PALLD: variants seen among roughly 807,000 people sequenced by gnomAD.
PALLD encodes the protein palladin, cytoskeletal associated protein, also known as palladin.
In PALLD, 61 loss-of-function variants were observed where a neutral mutation model predicts 123.5. The ratio of observed to expected loss-of-function variants is 0.49; its 90% CI spans 0.40 to 0.61. The LOEUF (loss-of-function observed/expected upper bound fraction) is 0.61, where lower values mean the gene tolerates loss of function less well. PALLD is among the 20% of genes least tolerant of loss of function. The pLI is 0.00. For synonymous variants in PALLD, 465 were observed against 496.4 expected (o/e 0.94, Z 0.84); for missense variants, 1,273 against 1,377.0 (o/e 0.92, Z 1.20).
chr4:168,550,925 A>G (rs559694682), intron 2 of PALLD, among the ~76,000 whole-genome samples: 1 of 152,226 alleles, frequency 6.6e-6, no homozygotes, highest in Non-Finnish European at 1.5e-5. Context: ...GCTAATTTGC[A>G]TAATTTGAAT....
chr4:168,797,578 G>C (rs1288350230), intron 10 of PALLD, among the ~76,000 whole-genome samples: 1 of 152,088 alleles, frequency 6.6e-6, no homozygotes, highest in Non-Finnish European at 1.5e-5. Context: ...GTGAGAACTG[G>C]GCTTATGTTT....
chr4:168,817,513 C>A (rs1028456987), intron 10 of PALLD, among the ~76,000 whole-genome samples: 1 of 152,138 alleles, frequency 6.6e-6, no homozygotes, highest in Non-Finnish European at 1.5e-5. Context: ...TCAAAAGAGG[C>A]AAATTACGCA....
chr4:168,789,053 A>C (rs756683546), intron 10 of PALLD, among the ~76,000 whole-genome samples: 7 of 152,186 alleles, frequency 4.6e-5, no homozygotes, highest in Non-Finnish European at 7.3e-5. Flanking sequence ...CTATGTGTAC[A>C]TTTCTAAAGC....
chr4:168,862,995 A>G (rs1749719918), intron 10 of PALLD, among the ~76,000 whole-genome samples: 1 of 152,190 alleles, frequency 6.6e-6, no homozygotes, highest in Non-Finnish European at 1.5e-5. Context: ...GGCCACCCAC[A>G]CCTTCTCTGC....
chr4:168,693,568 T>A (rs1782851400), intron 8 of PALLD, among the ~76,000 whole-genome samples: 1 of 152,224 alleles, frequency 6.6e-6, no homozygotes, highest in South Asian at 2.1e-4. Flanking sequence ...ATTTACATAG[T>A]TAGATCTGAA....
At chr4:168,545,654 C>G (rs528246655) in intron 2 of PALLD, among the ~76,000 whole-genome samples, 16 of 152,304 alleles carry the variant, frequency 1.1e-4, no homozygotes, top group African/African-American at 3.8e-4. Flanking sequence ...GTCTATCCTC[C>G]TTTTCCCACA....
intron 10 of PALLD, among the ~76,000 whole-genome samples, chr4:168,733,882 C>G (rs1234178486): frequency 6.6e-6 from 1 of 152,132 alleles, no homozygotes. Flanking sequence ...CTACAGGCGC[C>G]CGCCACCGCA....
intron 2 of PALLD, among the ~76,000 whole-genome samples, chr4:168,531,150 A>C (rs1258481786): frequency 6.6e-6 from 1 of 152,186 alleles, no homozygotes; most frequent in African/African-American, 2.4e-5. Flanking sequence ...TTGATTATGT[A>C]TGTGTGAATA....
chr4:168,625,502 G>GATAGATAGATAGATATATAT, intron 2 of PALLD, among the ~76,000 whole-genome samples: 22 of 114,464 alleles, frequency 1.9e-4, no homozygotes, highest in Non-Finnish European at 3.6e-4. Context: ...ATATCCAGGA[G>GATAGATAGATAGATATATAT]ATATATATAT....
In PALLD at chr4:168,668,193, G is replaced by T; in HGVS notation, c.912G>T (p.Trp304Cys). Residue 304 changes from tryptophan to cysteine, a missense_variant, in exon 3 of 22, where the codon TGG (tryptophan) becomes TGT (cysteine). Around this residue, in one of 2 missense-constraint regions of PALLD, gnomAD observed 944 missense variants for 954.5 expected, o/e 0.99. Transcript: ENST00000505667. ...VTGNPTPRVR[W>C]FCEGKELHNT... ...TTGACCTCCATTTGGCCTGCAGATG[G>T]TTCTGTGAAGGGAAAGAACTGCACA... The T allele has an allele frequency of 6.2e-7, 1 of 1,613,720 alleles. No individual in the cohort carries two copies. Among genetic ancestry groups the T allele is most frequent in the South Asian group, 1.1e-5 (1 of 91,076 alleles).
chr4:168,822,682 A>ATG (rs1382897202), intron 10 of PALLD, among the ~76,000 whole-genome samples: 1 of 152,194 alleles, frequency 6.6e-6, no homozygotes, highest in East Asian at 1.9e-4. Context: ...ATTTTCCCAG[A>ATG]TGTGCAGATT....
At chr4:168,817,620 G>GC (rs1305164743) in intron 10 of PALLD, among the ~76,000 whole-genome samples, 3 of 152,158 alleles carry the variant, frequency 2.0e-5, no homozygotes, top group African/African-American at 7.2e-5. Context: ...GATAAATGCT[G>GC]CTCTTATTTT....
intron 10 of PALLD, chr4:168,831,950 G>A: frequency 6.3e-6 from 6 of 955,620 alleles, no homozygotes; most frequent in Non-Finnish European, 7.5e-6. Flanking sequence ...TGGGGGCCGC[G>A]TCCCAGAGCT....
At chr4:168,533,627 T>C (rs575400189) in intron 2 of PALLD, among the ~76,000 whole-genome samples, 60 of 152,252 alleles carry the variant, frequency 3.9e-4, no homozygotes, top group African/African-American at 1.3e-3. Context: ...AGAGCATTCA[T>C]ATAAAGGGTC....
chr4:168,744,402 C>G (rs1187175617), intron 10 of PALLD, among the ~76,000 whole-genome samples: 3 of 152,172 alleles, frequency 2.0e-5, no homozygotes, highest in African/African-American at 7.2e-5. Flanking sequence ...GCCTGCACAT[C>G]CTCCACAGCC....
chr4:168,574,843 A>G (rs1225629909), intron 2 of PALLD, among the ~76,000 whole-genome samples: 1 of 152,150 alleles, frequency 6.6e-6, no homozygotes, highest in African/African-American at 2.4e-5. Flanking sequence ...CAGAAAAACA[A>G]AACAAAAGCT....
At chr4:168,683,184 C>G in intron 5 of PALLD, 81 bp downstream of exon 5, 1 of 750,444 alleles carries the variant, frequency 1.3e-6, no homozygotes. Context: ...GACTTTGATT[C>G]TAACTAGTAT....
chr4:168,598,930 T>C (rs952606865), intron 2 of PALLD, among the ~76,000 whole-genome samples: 1 of 152,232 alleles, frequency 6.6e-6, no homozygotes, highest in East Asian at 1.9e-4. Flanking sequence ...GAATTTTATT[T>C]CTTTAATAAA....
intron 2 of PALLD, among the ~76,000 whole-genome samples, chr4:168,541,573 C>T (rs1164748834): frequency 6.6e-6 from 1 of 152,024 alleles, no homozygotes; most frequent in Non-Finnish European, 1.5e-5. Context: ...GCCTCAGCCT[C>T]CTGAGTAGCT....
Sources: gnomAD v4.1 joint callset for allele counts (sites outside exome capture counted in the v4.1 genomes callset) on GRCh38, gnomAD v4.1.1 for gene constraint, gnomAD v4.1.1 regional missense constraint, MANE v1.5 for transcripts, NCBI Gene and HGNC (gene_info 2026-07-23, HGNC 2026-07-21) for gene names.